Variants in KCNQ5 observed in about 807,000 individuals in gnomAD.
The protein encoded by KCNQ5 is potassium voltage-gated channel subfamily KQT member 5.
Under a neutral mutation model 98.2 loss-of-function variants are expected in KCNQ5, and 30 were observed. The ratio of observed to expected loss-of-function variants is 0.31; its 90% confidence interval spans 0.23 to 0.41. KCNQ5 has a LOEUF of 0.41. KCNQ5 is among the 10% of genes least tolerant of loss of function. The pLI, the probability that KCNQ5 is intolerant of heterozygous loss-of-function variation, is 1.00. For missense variants in KCNQ5, 835 were observed against 1,182.5 expected, an observed-to-expected ratio of 0.71 and a Z score of 4.31; for synonymous variants, 458 against 449.4, an observed-to-expected ratio of 1.02 and a Z score of -0.24.
At chr6:72,765,196 A>C (rs1019700972) in intron 1 of KCNQ5, among the ~76,000 whole-genome samples, 2 of 151,970 alleles carry the variant, frequency 1.3e-5, no homozygotes, top group African/African-American at 4.8e-5. Context: ...GAATCCTTCG[A>C]ATTGTTTTCC....
chr6:72,946,253 G>A (rs1374011518), intron 1 of KCNQ5, among the ~76,000 whole-genome samples: 2 of 152,112 alleles, frequency 1.3e-5, no homozygotes, highest in Non-Finnish European at 2.9e-5. Context: ...CAATGTTAAA[G>A]CAATTATGCC....
chr6:73,185,531 GA>G (rs1414861887), intron 11 of KCNQ5, among the ~76,000 whole-genome samples: 5 of 152,164 alleles, frequency 3.3e-5, no homozygotes, highest in Non-Finnish European at 5.9e-5. Flanking sequence ...AGGATTTCAG[GA>G]AAAAGAAATA....
At chr6:73,086,471 C>A (rs1245637329) in intron 5 of KCNQ5, among the ~76,000 whole-genome samples, 1 of 152,124 alleles carries the variant, frequency 6.6e-6, no homozygotes, top group Admixed American at 6.6e-5. Flanking sequence ...CACCCCTTCC[C>A]TCTTCAGTCT....
intron 1 of KCNQ5, among the ~76,000 whole-genome samples, chr6:72,999,288 G>A (rs1769453072): frequency 1.3e-5 from 2 of 152,158 alleles, no homozygotes; most frequent in Non-Finnish European, 1.5e-5. Context: ...AGAGTCCTTT[G>A]AGTTGGTAAT....
intron 11 of KCNQ5, among the ~76,000 whole-genome samples, chr6:73,174,250 T>A (rs972345873): frequency 5.9e-5 from 9 of 152,208 alleles, no homozygotes; most frequent in Non-Finnish European, 1.0e-4. Context: ...CTTAATAAGA[T>A]CCTCAGTGAC....
intron 1 of KCNQ5, among the ~76,000 whole-genome samples, chr6:72,980,566 AT>A (rs1402738120): frequency 2.0e-5 from 3 of 152,036 alleles, no homozygotes; most frequent in Admixed American, 2.0e-4. Context: ...GCTTAAGGAG[AT>A]TTTGGGCTGA....
At chr6:72,662,425 CAT>C (rs1217705806) in intron 1 of KCNQ5, among the ~76,000 whole-genome samples, 1 of 152,030 alleles carries the variant, frequency 6.6e-6, no homozygotes. Flanking sequence ...GATATGATAA[CAT>C]AAATAACTTT....
intron 1 of KCNQ5, among the ~76,000 whole-genome samples, chr6:72,671,509 G>C (rs1767102470): frequency 6.6e-6 from 1 of 152,156 alleles, no homozygotes; most frequent in Non-Finnish European, 1.5e-5. Context: ...TTTCTAGAGA[G>C]ACAAGATAAT....
At chr6:72,903,410 G>A (rs1198021659) in intron 1 of KCNQ5, among the ~76,000 whole-genome samples, 2 of 152,054 alleles carry the variant, frequency 1.3e-5, no homozygotes, top group African/African-American at 2.4e-5. Context: ...AGTTCCTTGA[G>A]GTGTGACGTT....
Position 72,859,483 on chromosome 6 carries a change from C to G in KCNQ5, c.399-144425C>G, listed in dbSNP as rs181062351. Among the ~76,000 whole-genome samples the G allele has an allele frequency of 1.9e-3, 292 of 151,948 alleles. 1 individual carries two copies. Among genetic ancestry groups the G allele is most frequent in the African/African-American group, 6.7e-3 (277 of 41,452 alleles). ...CACTTTTTCCAATATATGATTTTAT[C>G]TTTGCTTCTCCTAAAATGCCATTTC... On this transcript the variant is annotated intron_variant, in intron 1 of 13. Coordinates refer to ENST00000370398, the MANE Select transcript of KCNQ5 (RefSeq NM_019842.4).
rs982232979 is a variant in KCNQ5 at position 72,672,287 on chromosome 6, G to A, written c.398+49700G>A. Among the ~76,000 whole-genome samples, 72 of 151,838 alleles carry A rather than the reference G, an allele frequency of 4.7e-4. 1 individual carries two copies. Among genetic ancestry groups the A allele is most frequent in the African/African-American group, 1.5e-3 (62 of 41,376 alleles). On this transcript the variant is annotated intron_variant, in intron 1 of 13. Coordinates refer to ENST00000370398, the MANE Select transcript of KCNQ5 (RefSeq NM_019842.4). ...TAATTTTTGTAATTTTTGTAGAGAC[G>A]GAGTTTCGCCATGTTGGGCAGACTT...
At chr6:73,169,708 G>C (rs1777933382) in intron 10 of KCNQ5, 38 bp from the exon 11 acceptor site, 3 of 1,397,508 alleles carry the variant, frequency 2.1e-6, no homozygotes, top group Non-Finnish European at 3.1e-6. Flanking sequence ...TCAAATTGCG[G>C]ATGGTGGTGT....
chr6:73,090,488 C>G (rs1004242447), intron 5 of KCNQ5, among the ~76,000 whole-genome samples: 47 of 152,210 alleles, frequency 3.1e-4, no homozygotes, highest in African/African-American at 1.1e-3. Flanking sequence ...CCTTGCCTAA[C>G]TCAATGTATA....
intron 10 of KCNQ5, among the ~76,000 whole-genome samples, chr6:73,145,248 T>C (rs1270501756): frequency 6.6e-6 from 1 of 152,204 alleles, no homozygotes; most frequent in Admixed American, 6.5e-5. Flanking sequence ...AATACACACA[T>C]AGCCATTTTG....
rs181492775 is a variant in KCNQ5 at position 72,779,602 on chromosome 6, G to A, written c.398+157015G>A. On this transcript the variant is annotated intron_variant, in intron 1 of 13. Transcript: ENST00000370398. ...GAGAGTAGGCAAAGGAATTACCGAGGAAAAAAATAAGAAGATTAAACTAAG... is the reference window on the plus strand; with the variant it reads ...GAGAGTAGGCAAAGGAATTACCGAGAAAAAAAATAAGAAGATTAAACTAAG... Among the ~76,000 whole-genome samples, 293 of 152,002 alleles carry A rather than the reference G, an allele frequency of 1.9e-3. 3 individuals are homozygous for A. The highest frequency in any genetic ancestry group is 0.013 in the Admixed American group (203 of 15,276).
intron 1 of KCNQ5, among the ~76,000 whole-genome samples, chr6:72,665,341 CAAAAAAA>C (rs57257881): frequency 8.9e-6 from 1 of 112,980 alleles, no homozygotes; most frequent in Non-Finnish European, 1.7e-5. Context: ...AATACCCTGT[CAAAAAAA>C]AAAAAAAAAA....
At chr6:73,072,382 A>C (rs1175834597) in intron 3 of KCNQ5, among the ~76,000 whole-genome samples, 1 of 152,224 alleles carries the variant, frequency 6.6e-6, no homozygotes, top group Non-Finnish European at 1.5e-5. Context: ...TATACTTTCT[A>C]ATACATGCAT....
At chr6:72,736,830 G>C (rs9293904) in intron 1 of KCNQ5, among the ~76,000 whole-genome samples, 2 of 151,880 alleles carry the variant, frequency 1.3e-5, no homozygotes, top group Non-Finnish European at 2.9e-5. Flanking sequence ...AAAAATTTAC[G>C]TAGGCAATAT....
At chr6:72,696,865 A>G (rs1768533739) in intron 1 of KCNQ5, among the ~76,000 whole-genome samples, 3 of 152,302 alleles carry the variant, frequency 2.0e-5, no homozygotes, top group Admixed American at 6.5e-5. Flanking sequence ...ATATATAGTG[A>G]TAGTAGTAAT....
Sources: gnomAD v4.1 joint callset for allele counts (sites outside exome capture counted in the v4.1 genomes callset) on GRCh38, gnomAD v4.1.1 for gene constraint, MANE v1.5 for transcripts, NCBI Gene and HGNC (gene_info 2026-07-23, HGNC 2026-07-21) for gene names.